SLC9A2: variants seen among roughly 807,000 people sequenced by gnomAD.
The protein encoded by SLC9A2 is sodium/hydrogen exchanger 2.
SLC9A2 carries 42 observed loss-of-function variants against 71.7 expected under a neutral mutation model. The observed-to-expected ratio is 0.59, with a 90% CI of 0.46 to 0.76. The LOEUF is 0.76. Among genes scored for constraint, SLC9A2 ranks in the 30% least tolerant of loss-of-function variants. SLC9A2 has a pLI of 0.00. For synonymous variants in SLC9A2, 396 were observed against 392.5 expected (o/e 1.01, Z -0.10); for missense variants, 829 against 1,017.4 (o/e 0.81, Z 2.52).
intron 1 of SLC9A2, among the ~76,000 whole-genome samples, chr2:102,642,944 C>T (rs780305295): frequency 2.0e-5 from 3 of 152,264 alleles, no homozygotes; most frequent in African/African-American, 7.2e-5. Context: ...TTGGTTGTTG[C>T]AGTTGGTGTT....
Position 102,709,861 on chromosome 2 carries a change from T to C in SLC9A2, c.*1372T>C, listed in dbSNP as rs1207737215. 6.6e-6 allele frequency: 1 copy of C among 152,326 alleles called. No homozygotes were observed. The highest frequency in any genetic ancestry group is 6.5e-5 in the Admixed American group (1 of 15,272). 9.4% of individuals were successfully genotyped at this position (152,326 alleles called of 1,614,324 possible). A position where few individuals can be genotyped will look rare whatever the true frequency, so the allele number is the denominator to read the frequency against. ...GAACATGCCTCTGCATTTCTGAGTG[T>C]AGAAATTAAATGAAGCCACTCACAG... is the stretch of plus-strand genomic sequence containing the variant. On this transcript the variant is annotated 3_prime_UTR_variant, in exon 12 of 12. Transcript: ENST00000233969.
chr2:102,637,096 C>T (rs535574449), intron 1 of SLC9A2, among the ~76,000 whole-genome samples: 2 of 152,170 alleles, frequency 1.3e-5, no homozygotes, highest in Non-Finnish European at 2.9e-5. Context: ...ACCGAAGATC[C>T]GTTGAATCTG....
Position 102,684,136 on chromosome 2 carries a change from G to C in SLC9A2, c.1225G>C (p.Val409Leu), listed in dbSNP as rs1268449065. 2 of 1,613,638 alleles carry C rather than the reference G, an allele frequency of 1.2e-6. No individual in the cohort carries two copies. Among genetic ancestry groups the C allele is most frequent in the Middle Eastern group, 1.7e-4 (1 of 6,058 alleles). ...TCTTGGGTTTTCTTTCTTTGCAGGT[G>C]TTTTTGTCCTGACTCAGGTCATTAA... is the stretch of plus-strand genomic sequence containing the variant. The part of the protein sequence containing the change: ...AFCLMWRALG[V>L]FVLTQVINRF... Residue 409 changes from valine to leucine, a missense_variant and splice_region_variant, in exon 5 of 12, where the codon GTT becomes CTT. Transcript: ENST00000233969.
At position 102,619,606 on chromosome 2, in the gene SLC9A2, G is replaced by T; in HGVS notation, c.-243G>T. ...GGCCGGCGGCGGAGGGCGGCTGAGG[G>T]CTGCTGAGGGTACGCGCAGCGGCCT... On this transcript the variant is annotated 5_prime_UTR_variant, in exon 1 of 12. Transcript: ENST00000233969. The surrounding 1 kb of genome is among the most constrained non-coding windows in gnomAD (Gnocchi z 4.3). 1 of 379,386 alleles carries T rather than the reference G, an allele frequency of 2.6e-6. No homozygotes were observed. Among genetic ancestry groups the T allele is most frequent in the Non-Finnish European group, 4.7e-6 (1 of 214,492 alleles). 23.5% of individuals were successfully genotyped at this position (379,386 alleles called of 1,614,324 possible).
chr2:102,684,212 A>G lies in SLC9A2; in HGVS notation c.1301A>G (p.Tyr434Cys), dbSNP rs766040454. The G allele has an allele frequency of 6.2e-7, 1 of 1,614,050 alleles. No homozygotes were observed. Among genetic ancestry groups the G allele is most frequent in the South Asian group, 1.1e-5 (1 of 91,082 alleles). Residue 434 changes from tyrosine to cysteine, a missense_variant, in exon 5 of 12, where the codon TAT (tyrosine) becomes TGT (cysteine). By Grantham distance (194) the Tyr-to-Cys change is radical (BLOSUM62 -2). Transcript: ENST00000233969. ...TTTAAGGACCAGTTCATCATTGCCT[A>G]TGGAGGACTTCGAGGTGCCATCTGT... ...LTFKDQFIIA[Y>C]GGLRGAICFA...
At chr2:102,677,008 A>T (rs1360281969) in intron 3 of SLC9A2, among the ~76,000 whole-genome samples, 3 of 152,210 alleles carry the variant, frequency 2.0e-5, no homozygotes, top group African/African-American at 4.8e-5. Flanking sequence ...CACAGTTCAG[A>T]TTGTAGATAA....
chr2:102,678,908 G>A (rs572813646), intron 3 of SLC9A2, among the ~76,000 whole-genome samples: 7 of 152,296 alleles, frequency 4.6e-5, no homozygotes, highest in South Asian at 4.1e-4. Flanking sequence ...TCTAGTGGAA[G>A]GGAGACTAGC....
Position 102,696,233 on chromosome 2 carries a change from T to A in SLC9A2, c.1586+1120T>A, listed in dbSNP as rs977938789. Among the ~76,000 whole-genome samples the A allele has an allele frequency of 3.3e-5, 5 of 152,158 alleles. No homozygotes were observed. In the East Asian group the frequency reaches 9.7e-4, roughly 29 times the overall value. ...TACAAATCAAGGCCCTTTTTTTTCA[T>A]AGAGAAATTTGTTAAACATTTATTA... On this transcript the variant is annotated intron_variant, in intron 7 of 11. Coordinates refer to ENST00000233969, the MANE Select transcript of SLC9A2 (RefSeq NM_003048.6).
intron 11 of SLC9A2, 81 bp from the exon 12 acceptor site, chr2:102,708,038 C>T (rs1678015628): frequency 6.8e-7 from 1 of 1,461,254 alleles, no homozygotes; most frequent in Non-Finnish European, 9.3e-7. Context: ...TATCAGTTGC[C>T]TGACTCACTA....
chr2:102,659,305 G>C (rs1223422849), intron 2 of SLC9A2, among the ~76,000 whole-genome samples: 3 of 151,804 alleles, frequency 2.0e-5, no homozygotes, highest in Non-Finnish European at 4.4e-5. Flanking sequence ...GCTGGGCATG[G>C]TGGTGAGCGC....
chr2:102,676,221 C>T (rs1186945610), intron 3 of SLC9A2, among the ~76,000 whole-genome samples: 1 of 152,170 alleles, frequency 6.6e-6, no homozygotes, highest in Non-Finnish European at 1.5e-5. Context: ...GAGTCTTCCA[C>T]CTGGAAAACC....
At chr2:102,691,328 G>A (rs548938531) in intron 5 of SLC9A2, among the ~76,000 whole-genome samples, 1 of 152,284 alleles carries the variant, frequency 6.6e-6, no homozygotes, top group East Asian at 1.9e-4. Flanking sequence ...CAAGCTCTTT[G>A]ATTTTTCTAA....
At chr2:102,676,821 G>C (rs113191653) in intron 3 of SLC9A2, among the ~76,000 whole-genome samples, 18 of 152,192 alleles carry the variant, frequency 1.2e-4, no homozygotes, top group African/African-American at 4.3e-4. Flanking sequence ...TTTTTAATTG[G>C]TCTTCATCAT....
intron 1 of SLC9A2, among the ~76,000 whole-genome samples, chr2:102,636,943 CA>C (rs1347976985): frequency 3.3e-5 from 5 of 152,162 alleles, no homozygotes; most frequent in Non-Finnish European, 7.3e-5. Context: ...ATGATCTCTT[CA>C]AATTGAGTCC....
chr2:102,682,513 G>C (rs1677473035), intron 3 of SLC9A2, among the ~76,000 whole-genome samples: 1 of 152,148 alleles, frequency 6.6e-6, no homozygotes, highest in Admixed American at 6.6e-5. Flanking sequence ...TTTTCTCCAG[G>C]TGCCATATTC....
At position 102,710,551 on chromosome 2, in the gene SLC9A2, T is replaced by C. The variant is rs1362061486; in HGVS notation, c.*2062T>C. On this transcript the variant is annotated 3_prime_UTR_variant, in exon 12 of 12. Coordinates refer to ENST00000233969, the MANE Select transcript of SLC9A2 (RefSeq NM_003048.6). ...AATTCCGCTTTCAGTAATTCATCCATACAGAATTTGGATGACTATGTATAA... is the reference window on the plus strand; with the variant it reads ...AATTCCGCTTTCAGTAATTCATCCACACAGAATTTGGATGACTATGTATAA... The C allele has an allele frequency of 6.6e-6, 1 of 152,318 alleles. No homozygotes were observed. The highest frequency in any genetic ancestry group is 1.5e-5 in the Non-Finnish European group (1 of 68,032). The allele number at this position is 152,318 out of a possible 1,614,324, so 9.4% of individuals were successfully genotyped here.
chr2:102,689,761 GT>G, intron 5 of SLC9A2: 1 of 152,348 alleles, frequency 6.6e-6, no homozygotes, highest in Non-Finnish European at 1.5e-5. Flanking sequence ...AGTTCCATGT[GT>G]TTTTGACTGC....
At chr2:102,700,071 C>T in intron 7 of SLC9A2, among the ~76,000 whole-genome samples, 1 of 152,104 alleles carries the variant, frequency 6.6e-6, no homozygotes, top group East Asian at 1.9e-4. Context: ...TAACATAGAA[C>T]ATGAGAAAAG....
At position 102,665,151 on chromosome 2, in the gene SLC9A2, A is replaced by T; in HGVS notation, c.805A>T (p.Ile269Phe). 1 of 1,613,826 alleles carries T rather than the reference A, an allele frequency of 6.2e-7. No individual in the cohort carries two copies. Among genetic ancestry groups the T allele is most frequent in the Non-Finnish European group, 8.5e-7 (1 of 1,179,974 alleles). ...SFCQMKTIET[I>F]DVFAGIANFF... The stretch of plus-strand genomic sequence containing the variant: ...TTGCCAGATGAAAACCATTGAGACC[A>T]TTGATGTGTTTGCAGGAATCGCCAA... Residue 269 changes from isoleucine (I) to phenylalanine (F), a missense_variant, in exon 3 of 12, where the codon ATT (isoleucine) becomes TTT (phenylalanine). By Grantham distance (21) the Ile-to-Phe change is conservative. Coordinates refer to ENST00000233969, the MANE Select transcript of SLC9A2 (RefSeq NM_003048.6).
Sources: allele counts gnomAD v4.1 joint callset (sites outside exome capture counted in the v4.1 genomes callset), GRCh38; gene constraint gnomAD v4.1.1; non-coding constraint Gnocchi (gnomAD v3.1); transcripts MANE v1.5; gene names NCBI Gene and HGNC (gene_info 2026-07-23, HGNC 2026-07-21).